The following TCF7L1 variants were observed in gnomAD, a reference collection of about 807,000 sequenced individuals.
The protein encoded by TCF7L1 is transcription factor 7 like 1, also known as transcription factor 7-like 1.
A neutral mutation model predicts 63.7 loss-of-function variants in TCF7L1; 18 were observed. That is an observed-to-expected ratio of 0.28 (90% CI 0.20 to 0.42). The LOEUF (loss-of-function observed/expected upper bound fraction) is 0.42, where lower values mean the gene tolerates loss of function less well. Among genes scored for constraint, TCF7L1 ranks in the 10% least tolerant of loss-of-function variants. TCF7L1 has a pLI of 1.00. For synonymous variants in TCF7L1, 355 were observed against 340.9 expected (o/e 1.04, Z -0.46); for missense variants, 654 against 779.3 (o/e 0.84, Z 1.91).
intron 3 of TCF7L1, among the ~76,000 whole-genome samples, chr2:85,261,123 G>GGTGTGTGTGTGTGT (rs3223762): frequency 3.7e-5 from 4 of 106,698 alleles, no homozygotes; most frequent in African/African-American, 1.3e-4. Context: ...AATTATTGCT[G>GGTGTGTGTGTGTGT]GTGTGTGTGT....
intron 3 of TCF7L1, among the ~76,000 whole-genome samples, chr2:85,230,096 C>T (rs954243019): frequency 1.3e-5 from 2 of 152,186 alleles, no homozygotes; most frequent in African/African-American, 2.4e-5. Flanking sequence ...TTTCAAATAT[C>T]GTTGTCTTCA....
chr2:85,200,602 C>G (rs369048480), intron 3 of TCF7L1, among the ~76,000 whole-genome samples: 1 of 152,198 alleles, frequency 6.6e-6, no homozygotes, highest in East Asian at 1.9e-4. Context: ...TCAACTTTTT[C>G]CTGTAATGTC....
At chr2:85,224,811 T>C (rs1679921932) in intron 3 of TCF7L1, among the ~76,000 whole-genome samples, 1 of 152,246 alleles carries the variant, frequency 6.6e-6, no homozygotes, top group Non-Finnish European at 1.5e-5. Context: ...ATTTTGGCTT[T>C]TGTTGCCATT....
Position 85,305,499 on chromosome 2 carries a change from T to G in TCF7L1, c.989+96T>G. The G allele has an allele frequency of 2.8e-6, 4 of 1,422,112 alleles. No homozygotes were observed. The South Asian group carries it at 4.2e-5, about 15-fold the overall frequency. 88.1% of individuals were successfully genotyped at this position (1,422,112 alleles called of 1,614,324 possible). ...AGCAAATGTCATGTACTCTTCTCTC[T>G]TGGTGTCACTCAGCAGGCATCACAG... is the stretch of plus-strand genomic sequence containing the variant. On this transcript the variant is annotated intron_variant, in intron 8 of 11. Transcript: ENST00000282111.
chr2:85,303,598 C>A lies in TCF7L1; in HGVS notation c.659-297C>A, dbSNP rs572783433. The A allele has an allele frequency of 2.3e-4, 70 of 306,776 alleles. 1 individual carries two copies. The South Asian group carries it at 6.5e-3, about 28-fold the overall frequency. 19.0% of individuals were successfully genotyped at this position (306,776 alleles called of 1,614,324 possible). A position where few individuals can be genotyped will look rare whatever the true frequency, so the allele number is the denominator to read the frequency against. On this transcript the variant is annotated intron_variant, in intron 5 of 11. Coordinates refer to ENST00000282111, the MANE Select transcript of TCF7L1 (RefSeq NM_031283.3). The stretch of plus-strand genomic sequence containing the variant: ...GACTCTTGTCATTGGTCTTGTGGGT[C>A]CTGTCCCTCTCTTCCAGGACGCTGG...
At chr2:85,184,927 T>C (rs1210527897) in intron 3 of TCF7L1, among the ~76,000 whole-genome samples, 1 of 152,134 alleles carries the variant, frequency 6.6e-6, no homozygotes, top group Admixed American at 6.5e-5. Context: ...TAGCAGCCAA[T>C]CTGTTTTGTT....
intron 3 of TCF7L1, among the ~76,000 whole-genome samples, chr2:85,238,325 G>C (rs995693105): frequency 2.6e-5 from 4 of 152,184 alleles, no homozygotes; most frequent in Non-Finnish European, 5.9e-5. Flanking sequence ...GCTTCAGCTG[G>C]GGCAGGGAAG....
intron 3 of TCF7L1, among the ~76,000 whole-genome samples, chr2:85,154,034 C>T (rs1049031709): frequency 3.3e-5 from 5 of 152,130 alleles, no homozygotes; most frequent in Non-Finnish European, 5.9e-5. Flanking sequence ...GAAGTTTTCT[C>T]AATTCGTCCC....
rs746358021 is a variant in TCF7L1 at position 85,309,180 on chromosome 2, C to G, written c.1485C>G (p.Thr495=). ...ALASPAAPAA[T]HSEQAQPLSL... is the part of the protein sequence containing the mutation. The stretch of plus-strand genomic sequence containing the variant: ...CCTCACCAGCTGCCCCTGCTGCCAC[C>G]CATTCGGAGCAAGCCCAGCCCCTCT... Residue 495 remains threonine, a synonymous_variant, in exon 12 of 12, where the codon ACC becomes ACG. Coordinates refer to ENST00000282111, the MANE Select transcript of TCF7L1 (RefSeq NM_031283.3). 1.2e-5 allele frequency: 19 copies of G among 1,613,992 alleles called. No homozygotes were observed. The highest frequency in any genetic ancestry group is 1.5e-5 in the Non-Finnish European group (18 of 1,180,026).
intron 8 of TCF7L1, 62 bp downstream of exon 8, chr2:85,305,465 A>G: frequency 6.5e-7 from 1 of 1,539,938 alleles, no homozygotes; most frequent in Non-Finnish European, 8.7e-7. Flanking sequence ...GGGTGGCCAC[A>G]CTCTGAGCAG....
At chr2:85,196,957 C>T (rs1679170176) in intron 3 of TCF7L1, among the ~76,000 whole-genome samples, 1 of 152,112 alleles carries the variant, frequency 6.6e-6, no homozygotes, top group Non-Finnish European at 1.5e-5. Flanking sequence ...CACTCCCCAG[C>T]CACACCAACC....
chr2:85,149,429 C>T (rs1372021604), intron 3 of TCF7L1, among the ~76,000 whole-genome samples: 1 of 151,744 alleles, frequency 6.6e-6, no homozygotes, highest in East Asian at 1.9e-4. Context: ...ATATAAATTA[C>T]ATTTTAACTT....
chr2:85,174,700 A>AT (rs1250819367), intron 3 of TCF7L1, among the ~76,000 whole-genome samples: 1 of 152,194 alleles, frequency 6.6e-6, no homozygotes, highest in Non-Finnish European at 1.5e-5. Flanking sequence ...ATGGGATAGC[A>AT]TCCCCCTGAC....
chr2:85,262,285 C>T (rs1363212921), intron 3 of TCF7L1: 7 of 556,896 alleles, frequency 1.3e-5, no homozygotes, highest in South Asian at 4.2e-5. Context: ...TCACCTTCTG[C>T]ACTTTCTGGC....
chr2:85,294,168 C>A (rs1681793907), intron 4 of TCF7L1, among the ~76,000 whole-genome samples: 1 of 151,604 alleles, frequency 6.6e-6, no homozygotes, highest in Admixed American at 6.6e-5. Context: ...TCCTGAGTAG[C>A]TGGGACTACA....
Position 85,134,075 on chromosome 2 carries a change from C to T in TCF7L1, c.309C>T (p.Ala103=), listed in dbSNP as rs750121496. The part of the protein sequence containing the change: ...DTFQKPRDYF[A]EVRRPQDSAF... Reference sequence around the variant, plus strand: ...TCCAGAAGCCGCGGGACTATTTCGCCGAAGGTATGTGCCCGCTGGGACAGC... The same window carrying T: ...TCCAGAAGCCGCGGGACTATTTCGCTGAAGGTATGTGCCCGCTGGGACAGC... Residue 103 remains alanine, a synonymous_variant, in exon 2 of 12, where the codon GCC becomes GCT. Coordinates refer to ENST00000282111, the MANE Select transcript of TCF7L1 (RefSeq NM_031283.3). This position sits in a 1 kb window ranked among gnomAD's most constrained non-coding sequence, Gnocchi z 5.0. The T allele has an allele frequency of 5.0e-6, 8 of 1,609,754 alleles. No individual in the cohort carries two copies. The Admixed American group carries it at 6.7e-5, about 13-fold the overall frequency.
chr2:85,139,393 G>A (rs1230090924), intron 3 of TCF7L1, among the ~76,000 whole-genome samples: 1 of 152,160 alleles, frequency 6.6e-6, no homozygotes, highest in East Asian at 1.9e-4. Context: ...AATGGCTAAG[G>A]GACCATGGGA....
chr2:85,279,729 C>T (rs564472029), intron 3 of TCF7L1, among the ~76,000 whole-genome samples: 2 of 152,316 alleles, frequency 1.3e-5, no homozygotes, highest in Non-Finnish European at 2.9e-5. Context: ...ATCCTCCACA[C>T]TCCTGCCTCC....
chr2:85,146,588 G>A (rs1287869110), intron 3 of TCF7L1, among the ~76,000 whole-genome samples: 3 of 140,958 alleles, frequency 2.1e-5, no homozygotes, highest in African/African-American at 5.3e-5. Flanking sequence ...TGCAACCTCC[G>A]TCTCCTGGGT....
Sources: allele counts gnomAD v4.1 joint callset (sites outside exome capture counted in the v4.1 genomes callset), GRCh38; gene constraint gnomAD v4.1.1; non-coding constraint Gnocchi (gnomAD v3.1); transcripts MANE v1.5; gene names NCBI Gene and HGNC (gene_info 2026-07-23, HGNC 2026-07-21).